Variants in DACH1 observed in about 807,000 individuals in gnomAD.
DACH1 encodes the protein dachshund family transcription factor 1, also known as dachshund homolog 1.
A neutral mutation model predicts 54.2 loss-of-function variants in DACH1; 12 were observed. The observed-to-expected ratio is 0.22, with a 90% CI of 0.14 to 0.36. The LOEUF is 0.36. Among genes scored for constraint, DACH1 ranks in the 10% least tolerant of loss-of-function variants. The pLI, the probability that DACH1 is intolerant of heterozygous loss-of-function variation, is 1.00. For missense variants in DACH1, 805 were observed against 929.8 expected (o/e 0.87, Z 1.75); for synonymous variants, 386 against 366.2 (o/e 1.05, Z -0.62).
chr13:71,863,967 A>T (rs1334832624), intron 1 of DACH1, among the ~76,000 whole-genome samples: 1 of 151,970 alleles, frequency 6.6e-6, no homozygotes, highest in East Asian at 1.9e-4. Flanking sequence ...ACTAGCTTCA[A>T]ATTTCACCTA....
intron 3 of DACH1, among the ~76,000 whole-genome samples, chr13:71,583,147 T>G (rs1171011287): frequency 6.6e-6 from 1 of 152,170 alleles, no homozygotes; most frequent in African/African-American, 2.4e-5. Flanking sequence ...ATTTAATTAT[T>G]GTAACCATAA....
chr13:71,491,302 A>G (rs1250807776), intron 6 of DACH1, among the ~76,000 whole-genome samples: 3 of 152,166 alleles, frequency 2.0e-5, no homozygotes, highest in African/African-American at 7.2e-5. Context: ...TATAGCCACT[A>G]ATACAGTTTT....
intron 10 of DACH1, among the ~76,000 whole-genome samples, chr13:71,457,780 A>C (rs1211334525): frequency 2.0e-5 from 3 of 151,986 alleles, no homozygotes; most frequent in Admixed American, 2.0e-4. Flanking sequence ...TTTCAATATA[A>C]GAGATTTTTG....
rs139440326 is a variant in DACH1, at chr13:71,598,038, C to T, written c.1127-25026G>A. 5.4e-3 allele frequency among the ~76,000 whole-genome samples: 818 copies of T among 150,634 alleles called. 12 individuals are homozygous for T. Among genetic ancestry groups the T allele is most frequent in the African/African-American group, 0.019 (760 of 40,896 alleles). On this transcript the variant is annotated intron_variant, in intron 3 of 10. Coordinates refer to ENST00000613252, the MANE Select transcript of DACH1 (RefSeq NM_080759.6). ...GAGGTTACAGTGAGCCCAGAGGGCT[C>T]CTCTCCACTCCAGTCTGGGCAACAG...
At chr13:71,530,290 C>T (rs1355771609) in intron 6 of DACH1, among the ~76,000 whole-genome samples, 1 of 152,102 alleles carries the variant, frequency 6.6e-6, no homozygotes, top group East Asian at 1.9e-4. Context: ...ATTGCACTTG[C>T]AGAAAGAGAA....
chr13:71,796,228 TG>T (rs2138109129), intron 1 of DACH1, among the ~76,000 whole-genome samples: 1 of 152,276 alleles, frequency 6.6e-6, no homozygotes, highest in East Asian at 1.9e-4. Context: ...TTGTTCTTTT[TG>T]TACCAGAATA....
At chr13:71,542,369 T>A (rs1022209012) in intron 6 of DACH1, among the ~76,000 whole-genome samples, 5 of 152,162 alleles carry the variant, frequency 3.3e-5, no homozygotes, top group African/African-American at 1.2e-4. Flanking sequence ...ATAAACTTAT[T>A]ACATCACAAT....
chr13:71,606,730 T>C (rs1033069756), intron 3 of DACH1, among the ~76,000 whole-genome samples: 2 of 152,060 alleles, frequency 1.3e-5, no homozygotes, highest in African/African-American at 4.8e-5. Context: ...TGAGACACCC[T>C]AAATGTTAGA....
chr13:71,572,527 C>T (rs1885275627), intron 4 of DACH1, among the ~76,000 whole-genome samples: 1 of 152,116 alleles, frequency 6.6e-6, no homozygotes, highest in Non-Finnish European at 1.5e-5. Flanking sequence ...TGATTCTCCA[C>T]ACATAAATGC....
chr13:71,562,463 T>G (rs2138389275), intron 4 of DACH1, among the ~76,000 whole-genome samples: 1 of 152,174 alleles, frequency 6.6e-6, no homozygotes, highest in African/African-American at 2.4e-5. Context: ...TATTAAAATT[T>G]GAAACTAACT....
chr13:71,440,737 G>T, intron 10 of DACH1, 45 bp from the exon 11 acceptor site: 1 of 1,434,768 alleles, frequency 7.0e-7, no homozygotes, highest in Non-Finnish European at 9.6e-7. Flanking sequence ...TGGTATTTGG[G>T]GTACAAATGT....
intron 2 of DACH1, among the ~76,000 whole-genome samples, chr13:71,663,943 A>G (rs1879669826): frequency 6.6e-6 from 1 of 151,972 alleles, no homozygotes; most frequent in African/African-American, 2.4e-5. Flanking sequence ...CCTGTTGGAA[A>G]CAGTACACTG....
intron 1 of DACH1, among the ~76,000 whole-genome samples, chr13:71,860,008 TC>T (rs986430991): frequency 4.6e-5 from 7 of 151,900 alleles, no homozygotes; most frequent in African/African-American, 1.4e-4. Context: ...GTTACACTTA[TC>T]TGAGCTCCAT....
Position 71,557,096 on chromosome 13 carries a change from G to A in DACH1, c.1498C>T (p.Pro500Ser). Residue 500 changes from proline to serine, a missense_variant, in exon 6 of 11, where the codon CCT (proline) becomes TCT (serine). Physicochemically the swap from Pro to Ser is moderately conservative, Grantham distance 74. Transcript: ENST00000613252. ...GCCAAATCTCCCTCTTTGGGCCCAG[G>A]AAGTACATTTGGTGATAAGCCCATC... is the stretch of plus-strand genomic sequence containing the variant. ...MLMGLSPNVL[P>S]GPKEGDLAGH... is the part of the protein sequence containing the mutation. The A allele has an allele frequency of 6.2e-7, 1 of 1,611,164 alleles. No individual in the cohort carries two copies. Among genetic ancestry groups the A allele is most frequent in the Non-Finnish European group, 8.5e-7 (1 of 1,178,624 alleles).
Position 71,866,713 on chromosome 13 carries a change from TG to T in DACH1, c.56del (p.Pro19GlnfsTer175). 1.4e-6 allele frequency: 2 copies of T among 1,444,802 alleles called. No homozygotes were observed. Among genetic ancestry groups the T allele is most frequent in the South Asian group, 1.6e-5 (1 of 62,816 alleles). The allele number at this position is 1,444,802 out of a possible 1,614,324, so 89.5% of individuals were successfully genotyped here. On this transcript the variant is annotated frameshift_variant, in exon 1 of 11. Coordinates refer to ENST00000613252, the MANE Select transcript of DACH1 (RefSeq NM_080759.6). LOFTEE classifies it high-confidence loss of function. ...PPTQLVPPQPPISTSASSSGT... is the reference protein window; with the variant it reads ...PPTQLVPPQPXISTSASSSGT... ...CAGAGGAGGAAGCAGACGTGGAGAT[TG>T]GGGGTTGAGGGGGGACCAGCTGGGT...
At chr13:71,699,633 A>G (rs1882011312) in intron 1 of DACH1, among the ~76,000 whole-genome samples, 1 of 152,228 alleles carries the variant, frequency 6.6e-6, no homozygotes, top group African/African-American at 2.4e-5. Context: ...TGTGAACACG[A>G]TGAAAAAAGA....
chr13:71,573,060 A>C (rs745615742), intron 3 of DACH1, 48 bp from the exon 4 acceptor site: 12 of 1,540,890 alleles, frequency 7.8e-6, no homozygotes, highest in South Asian at 3.7e-5. Context: ...GACATAAATC[A>C]TTAAAAATTG....
At position 71,866,585 on chromosome 13, in the gene DACH1, G is replaced by A. The variant is rs776519608; in HGVS notation, c.185C>T (p.Ser62Leu). The A allele has an allele frequency of 2.8e-5, 36 of 1,293,412 alleles. No homozygotes were observed. Among genetic ancestry groups the A allele is most frequent in the Non-Finnish European group, 3.4e-5 (35 of 1,017,844 alleles). The allele number at this position is 1,293,412 out of a possible 1,614,324, so 80.1% of individuals were successfully genotyped here. Residue 62 changes from serine (S) to leucine (L), a missense_variant, in exon 1 of 11, where the codon TCG becomes TTG. Physicochemically the swap from Ser to Leu is moderately radical, Grantham distance 145. Coordinates refer to ENST00000613252, the MANE Select transcript of DACH1 (RefSeq NM_080759.6). ...PTLFRPEPIA[S>L]AAAAAATVTS... ...GACTGTGGCCGCCGCCGCCGCCGCC[G>A]AAGCGATGGGCTCCGGGCGGAACAG...
chr13:71,755,705 T>C (rs1323577604), intron 1 of DACH1, among the ~76,000 whole-genome samples: 2 of 152,172 alleles, frequency 1.3e-5, no homozygotes, highest in Non-Finnish European at 2.9e-5. Context: ...GATACTACTT[T>C]CCCCAAATTA....
Sources: gnomAD v4.1 joint callset for allele counts (sites outside exome capture counted in the v4.1 genomes callset) on GRCh38, gnomAD v4.1.1 for gene constraint, MANE v1.5 for transcripts, NCBI Gene and HGNC (gene_info 2026-07-23, HGNC 2026-07-21) for gene names.